TBXAS1: variants seen among roughly 807,000 people sequenced by gnomAD.
The protein encoded by TBXAS1 is thromboxane A synthase 1.
TBXAS1 carries 48 observed loss-of-function variants against 60.7 expected under a neutral mutation model. That is an observed-to-expected ratio of 0.79 (90% confidence interval 0.63 to 1.01). The LOEUF is 1.01. Among genes scored for constraint, TBXAS1 ranks in the 50% least tolerant of loss-of-function variants. The pLI, the probability that TBXAS1 is intolerant of heterozygous loss-of-function variation, is 0.00. For missense variants in TBXAS1, 685 were observed against 686.3 expected, an observed-to-expected ratio of 1.00 and a Z score of 0.02; for synonymous variants, 287 against 269.7, an observed-to-expected ratio of 1.06 and a Z score of -0.63.
At chr7:139,904,246 A>G (rs1804797847) in intron 3 of TBXAS1, among the ~76,000 whole-genome samples, 1 of 152,008 alleles carries the variant, frequency 6.6e-6, no homozygotes, top group Non-Finnish European at 1.5e-5. Flanking sequence ...GTCGAAGATC[A>G]GTTGGTTGTA....
At chr7:140,009,135 T>A (rs1435586939) in intron 10 of TBXAS1, among the ~76,000 whole-genome samples, 1 of 152,236 alleles carries the variant, frequency 6.6e-6, no homozygotes, top group Non-Finnish European at 1.5e-5. Context: ...CGGTGGCCGA[T>A]TCTCCACTGA....
At chr7:139,875,915 C>T (rs1802198056) in intron 3 of TBXAS1, 6 of 496,400 alleles carry the variant, frequency 1.2e-5, no homozygotes, top group Non-Finnish European at 2.2e-5. Context: ...CATCATCTCC[C>T]GTTGCTGTGC....
At chr7:139,869,000 T>C (rs1166864087) in intron 1 of TBXAS1, among the ~76,000 whole-genome samples, 2 of 152,070 alleles carry the variant, frequency 1.3e-5, no homozygotes, top group African/African-American at 4.8e-5. Flanking sequence ...GGTCTTGCTG[T>C]GTTGCCCAGG....
In TBXAS1 at chr7:139,829,466, G is replaced by A. The variant is rs758813530; in HGVS notation, c.76G>A (p.Ala26Thr). The change falls in exon 1 of 13, where the codon GCC (alanine) becomes ACC (threonine). Residue 26 changes from alanine (A) to threonine (T), a missense_variant. By Grantham distance (58) the Ala-to-Thr change is moderately conservative (BLOSUM62 0). Transcript: ENST00000448866. ...GGTGGCCCTGTCAGTGGCTCTCTTG[G>A]CCCTCCTGAAATGGTAAGTGCAGCC... is the stretch of plus-strand genomic sequence containing the variant. ...VTVALSVALL[A>T]LLKWYSTSAF... The A allele has an allele frequency of 6.2e-7, 1 of 1,613,648 alleles. No homozygotes were observed. The highest frequency in any genetic ancestry group is 8.5e-7 in the Non-Finnish European group (1 of 1,179,904).
rs1347162341 is a variant in TBXAS1 at position 139,778,560 on chromosome 7, GA to G, written c.-318+90del. The G allele has an allele frequency of 6.6e-6, 1 of 152,258 alleles. No homozygotes were observed. The highest frequency in any genetic ancestry group is 1.5e-5 in the Non-Finnish European group (1 of 68,074). 9.4% of individuals were successfully genotyped at this position (152,258 alleles called of 1,614,324 possible). A position where few individuals can be genotyped will look rare whatever the true frequency, so the allele number is the denominator to read the frequency against. On this transcript the variant is annotated intron_variant, in intron 1 of 16. Coordinates refer to the TBXAS1 transcript ENST00000336425. The surrounding 1 kb of genome is among the most constrained non-coding windows in gnomAD (Gnocchi z 4.8). ...GTGGAGGAGCTTCGGAAAGCCACAC[GA>G]GGTCAGAGGCACCGAAGCCCTGCCG...
upstream of TBXAS1, among the ~76,000 whole-genome samples, chr7:139,826,929 T>C (rs1429712741): frequency 6.6e-6 from 1 of 152,174 alleles, no homozygotes; most frequent in Non-Finnish European, 1.5e-5. Flanking sequence ...GACTCCCTGT[T>C]TCAATGAATG....
chr7:139,851,170 C>G (rs1352277641), intron 1 of TBXAS1, among the ~76,000 whole-genome samples: 1 of 152,208 alleles, frequency 6.6e-6, no homozygotes, highest in Non-Finnish European at 1.5e-5. Flanking sequence ...TAGCCACTGG[C>G]CTTTGATCAT....
At chr7:139,840,957 G>A (rs1420052587) in intron 1 of TBXAS1, among the ~76,000 whole-genome samples, 1 of 152,208 alleles carries the variant, frequency 6.6e-6, no homozygotes, top group Non-Finnish European at 1.5e-5. Flanking sequence ...TGGACTCCGT[G>A]ACTTCTATGC....
At chr7:139,865,617 G>A (rs1010581158) in intron 1 of TBXAS1, among the ~76,000 whole-genome samples, 4 of 81,842 alleles carry the variant, frequency 4.9e-5, no homozygotes, top group African/African-American at 1.8e-4. Context: ...AGGAGGAGGA[G>A]GAAGAGGAGG....
At chr7:139,959,341 C>T (rs986682584) in intron 8 of TBXAS1, among the ~76,000 whole-genome samples, 3 of 152,180 alleles carry the variant, frequency 2.0e-5, no homozygotes, top group African/African-American at 4.8e-5. Flanking sequence ...AGTGAAAATG[C>T]GGCACAGATG....
intron 5 of TBXAS1, among the ~76,000 whole-genome samples, chr7:139,944,760 A>C (rs1435365787): frequency 6.6e-6 from 1 of 152,116 alleles, no homozygotes; most frequent in African/African-American, 2.4e-5. Context: ...ACACACCATC[A>C]ACGTTTGGGG....
At chr7:139,831,037 G>A (rs560133843) in intron 1 of TBXAS1, among the ~76,000 whole-genome samples, 4 of 152,044 alleles carry the variant, frequency 2.6e-5, no homozygotes, top group Admixed American at 2.0e-4. Flanking sequence ...TAAGATAAAT[G>A]TACCAAGCAG....
chr7:140,005,042 C>A (rs1326230124), intron 9 of TBXAS1, among the ~76,000 whole-genome samples: 4 of 152,192 alleles, frequency 2.6e-5, no homozygotes, highest in African/African-American at 9.7e-5. Flanking sequence ...AAGGGGGAAG[C>A]CAGGTGGAGA....
At chr7:139,812,204 G>A (rs540146732) in intron 4 of TBXAS1, among the ~76,000 whole-genome samples, 2 of 152,324 alleles carry the variant, frequency 1.3e-5, no homozygotes, top group Admixed American at 6.5e-5. Context: ...TCTTTCCAGA[G>A]CAAAGAAAAG....
chr7:139,957,466 G>A (rs753982369), intron 7 of TBXAS1, 168 bp from the exon 8 acceptor site: 5 of 789,944 alleles, frequency 6.3e-6, no homozygotes, highest in South Asian at 1.5e-5. Flanking sequence ...GTACCGAGAG[G>A]GAGTGAGACA....
intron 9 of TBXAS1, among the ~76,000 whole-genome samples, chr7:139,976,997 A>AAAAC (rs374222628): frequency 3.6e-4 from 55 of 152,262 alleles, no homozygotes; most frequent in African/African-American, 8.4e-4. Flanking sequence ...ACAAACATAC[A>AAAAC]AAACAAACAA....
chr7:139,890,358 G>A (rs1803493910), intron 3 of TBXAS1, among the ~76,000 whole-genome samples: 1 of 151,706 alleles, frequency 6.6e-6, no homozygotes, highest in Non-Finnish European at 1.5e-5. Context: ...TGGGACTACA[G>A]GCGCCCGCCA....
intron 1 of TBXAS1, among the ~76,000 whole-genome samples, chr7:139,862,795 A>G (rs575309759): frequency 3.9e-5 from 6 of 152,288 alleles, no homozygotes; most frequent in African/African-American, 1.4e-4. Context: ...TTCTCATCAC[A>G]ATCATCAGTT....
chr7:139,867,681 G>A (rs549393308), intron 1 of TBXAS1, among the ~76,000 whole-genome samples: 59 of 152,232 alleles, frequency 3.9e-4, no homozygotes, highest in Non-Finnish European at 6.3e-4. Context: ...TTAGCCTGGC[G>A]TGGTGGGCGC....
Sources: allele counts gnomAD v4.1 joint callset (sites outside exome capture counted in the v4.1 genomes callset), GRCh38; gene constraint gnomAD v4.1.1; non-coding constraint Gnocchi (gnomAD v3.1); transcripts MANE v1.5; gene names NCBI Gene and HGNC (gene_info 2026-07-23, HGNC 2026-07-21).